CSMD1: variants seen among roughly 807,000 people sequenced by gnomAD.
CSMD1 encodes CUB and Sushi multiple domains 1, also known as CUB and sushi domain-containing protein 1.
In CSMD1, 213 loss-of-function variants were observed where a neutral mutation model predicts 417.5. The ratio of observed to expected loss-of-function variants is 0.51; its 90% CI spans 0.46 to 0.57. The LOEUF (loss-of-function observed/expected upper bound fraction) is 0.57. CSMD1 is among the 20% of genes least tolerant of loss of function. The pLI, the probability that CSMD1 is intolerant of heterozygous loss-of-function variation, is 0.00. For synonymous variants in CSMD1, 2,862 were observed against 1,736.8 expected, an observed-to-expected ratio of 1.65 and a Z score of -16.11; for missense variants, 6,923 against 4,529.7, an observed-to-expected ratio of 1.53 and a Z score of -15.17.
intron 1 of CSMD1, among the ~76,000 whole-genome samples, chr8:4,892,686 T>C (rs905352821): frequency 2.2e-4 from 34 of 152,208 alleles, no homozygotes; most frequent in African/African-American, 7.5e-4. Context: ...TGCATTCATA[T>C]AGTCTTTTTG....
intron 2 of CSMD1, among the ~76,000 whole-genome samples, chr8:4,599,212 T>C (rs1305961850): frequency 2.0e-5 from 3 of 152,092 alleles, no homozygotes; most frequent in Admixed American, 6.6e-5. Context: ...AAAAGCACAA[T>C]GATTCAGATA....
intron 4 of CSMD1, among the ~76,000 whole-genome samples, chr8:4,029,176 C>G (rs1313296306): frequency 6.6e-6 from 1 of 152,096 alleles, no homozygotes; most frequent in East Asian, 1.9e-4. Flanking sequence ...ACATTGGCAT[C>G]AAATCTTTGA....
At chr8:4,837,510 G>A (rs1028019756) in intron 1 of CSMD1, among the ~76,000 whole-genome samples, 1 of 152,174 alleles carries the variant, frequency 6.6e-6, no homozygotes, top group Non-Finnish European at 1.5e-5. Flanking sequence ...AAACACAAAA[G>A]TATAGCTTTT....
intron 7 of CSMD1, among the ~76,000 whole-genome samples, chr8:3,692,507 T>C (rs968089519): frequency 3.3e-5 from 5 of 151,762 alleles, no homozygotes; most frequent in Non-Finnish European, 5.9e-5. Context: ...ACTGGCGCGA[T>C]ATCGGCTCAC....
At chr8:4,859,870 G>C (rs1802023209) in intron 1 of CSMD1, among the ~76,000 whole-genome samples, 1 of 152,104 alleles carries the variant, frequency 6.6e-6, no homozygotes. Context: ...CAGGGATGTA[G>C]AACTGGAAAT....
At chr8:3,813,078 C>A (rs1387318871) in intron 5 of CSMD1, among the ~76,000 whole-genome samples, 2 of 140,362 alleles carry the variant, frequency 1.4e-5, no homozygotes, top group East Asian at 2.2e-4. Flanking sequence ...CAAGAAAATT[C>A]TATTTTAAGC....
At chr8:4,208,068 T>C (rs1800088194) in intron 3 of CSMD1, among the ~76,000 whole-genome samples, 1 of 152,158 alleles carries the variant, frequency 6.6e-6, no homozygotes, top group Non-Finnish European at 1.5e-5. Context: ...TTTGTTCAGA[T>C]ATGTGTTTAC....
intron 7 of CSMD1, among the ~76,000 whole-genome samples, chr8:3,630,974 T>A (rs1563215254): frequency 6.6e-6 from 1 of 152,170 alleles, no homozygotes; most frequent in East Asian, 1.9e-4. Context: ...AGCATGGGAA[T>A]CATTGATGTG....
chr8:4,515,946 C>T (rs1803094767), intron 2 of CSMD1, among the ~76,000 whole-genome samples: 1 of 152,176 alleles, frequency 6.6e-6, no homozygotes, highest in Non-Finnish European at 1.5e-5. Context: ...AGCCTGCCTG[C>T]TTTGCATACC....
rs570179774 is a variant in CSMD1 at position 4,005,732 on chromosome 8, A to G, written c.611-7622T>C. 3.3e-5 allele frequency among the ~76,000 whole-genome samples: 5 copies of G among 152,324 alleles called. 1 individual carries two copies. The South Asian group carries it at 1.0e-3, about 32-fold the overall frequency. ...CCCTCATTTGATTTGTTTCAGCTAA[A>G]TATGTGGAAGTGAGTTATTGTATAC... On this transcript the variant is annotated intron_variant, in intron 4 of 69. Coordinates refer to ENST00000635120, the MANE Select transcript of CSMD1 (RefSeq NM_033225.6).
At chr8:4,456,490 G>C (rs934034919) in intron 2 of CSMD1, among the ~76,000 whole-genome samples, 2 of 152,160 alleles carry the variant, frequency 1.3e-5, no homozygotes, top group Admixed American at 6.5e-5. Flanking sequence ...ATAGTCTTTG[G>C]AAAATTGTAG....
At position 4,192,165 on chromosome 8, in the gene CSMD1, G is replaced by C. The variant is rs1312096784; in HGVS notation, c.416-160066C>G. Among the ~76,000 whole-genome samples the C allele has an allele frequency of 2.0e-5, 3 of 152,292 alleles. No individual in the cohort carries two copies. In the East Asian group the frequency reaches 5.8e-4, roughly 29 times the overall value. On this transcript the variant is annotated intron_variant, in intron 3 of 69. Transcript: ENST00000635120. The stretch of plus-strand genomic sequence containing the variant: ...TTCACTCCAGTGCACCAATAGGCAT[G>C]TTATAAAGGCTCAACAGATGGCTTT...
chr8:3,565,656 C>A (rs931579944), intron 10 of CSMD1, among the ~76,000 whole-genome samples: 1 of 152,184 alleles, frequency 6.6e-6, no homozygotes, highest in Non-Finnish European at 1.5e-5. Flanking sequence ...AAAGCTCCTT[C>A]CCTAAAACAG....
At chr8:4,250,905 A>T (rs1374365764) in intron 3 of CSMD1, among the ~76,000 whole-genome samples, 1 of 152,048 alleles carries the variant, frequency 6.6e-6, no homozygotes. Flanking sequence ...CCTCTTAAAC[A>T]ATAAGGTCTT....
chr8:3,276,743 A>T (rs1000642912), intron 26 of CSMD1, among the ~76,000 whole-genome samples: 1 of 152,210 alleles, frequency 6.6e-6, no homozygotes, highest in Non-Finnish European at 1.5e-5. Context: ...CATATTGTTT[A>T]CAGTAGATGA....
intron 1 of CSMD1, among the ~76,000 whole-genome samples, chr8:4,920,018 T>G (rs907653687): frequency 6.6e-6 from 1 of 152,122 alleles, no homozygotes; most frequent in African/African-American, 2.4e-5. Context: ...TATCAGTTAG[T>G]CCCAGGTATT....
Position 4,994,748 on chromosome 8 carries a change from C to G in CSMD1, c.-332G>C, listed in dbSNP as rs1379119538. The G allele has an allele frequency of 3.5e-6, 1 of 284,650 alleles. No individual in the cohort carries two copies. Among genetic ancestry groups the G allele is most frequent in the Non-Finnish European group, 6.6e-6 (1 of 151,966 alleles). 17.6% of individuals were successfully genotyped at this position (284,650 alleles called of 1,614,324 possible). On this transcript the variant is annotated 5_prime_UTR_variant, in exon 1 of 70. Coordinates refer to ENST00000635120, the MANE Select transcript of CSMD1 (RefSeq NM_033225.6). ...GGAGGGGGAGAAGCGGGGAGAGGAG[C>G]GCGCGCAGCCAGGAGAGACCTGGAG... is the stretch of plus-strand genomic sequence containing the variant.
intron 42 of CSMD1, among the ~76,000 whole-genome samples, 165 bp from the exon 43 acceptor site, chr8:3,110,500 G>C (rs962079753): frequency 6.6e-6 from 1 of 152,196 alleles, no homozygotes; most frequent in African/African-American, 2.4e-5. Context: ...CCTAAAATCT[G>C]AAGACCTTAG....
intron 2 of CSMD1, among the ~76,000 whole-genome samples, chr8:4,466,286 A>G (rs1170235577): frequency 1.3e-5 from 2 of 152,166 alleles, no homozygotes; most frequent in Non-Finnish European, 2.9e-5. Flanking sequence ...GATGAGGAAG[A>G]AAACAGAGGA....
Sources: allele counts gnomAD v4.1 joint callset (sites outside exome capture counted in the v4.1 genomes callset), GRCh38; gene constraint gnomAD v4.1.1; transcripts MANE v1.5; gene names NCBI Gene and HGNC (gene_info 2026-07-23, HGNC 2026-07-21).